KAZN: variants seen among roughly 807,000 people sequenced by gnomAD.
The protein encoded by KAZN is kazrin, periplakin interacting protein, also known as kazrin.
KAZN carries 40 observed loss-of-function variants against 87.4 expected under a neutral mutation model. The ratio of observed to expected loss-of-function variants is 0.46; its 90% CI spans 0.36 to 0.60. The LOEUF (loss-of-function observed/expected upper bound fraction) is 0.60. KAZN is among the 20% of genes least tolerant of loss of function. The probability of loss-of-function intolerance (pLI) is 0.00; values close to 1 mark genes in which losing one functional copy is unlikely to be tolerated. For synonymous variants in KAZN, 466 were observed against 458.3 expected (o/e 1.02, Z -0.22); for missense variants, 898 against 1,073.9 (o/e 0.84, Z 2.29).
intron 2 of KAZN, among the ~76,000 whole-genome samples, chr1:14,494,572 C>T (rs1362330009): frequency 1.3e-5 from 2 of 152,166 alleles, no homozygotes; most frequent in Non-Finnish European, 2.9e-5. Context: ...TTGATGTACA[C>T]AGCCTCTGGT....
intron 2 of KAZN, among the ~76,000 whole-genome samples, chr1:14,271,938 C>T (rs1419105463): frequency 6.6e-6 from 1 of 152,194 alleles, no homozygotes; most frequent in Admixed American, 6.5e-5. Flanking sequence ...AATATGTCTA[C>T]AACATAGAAT....
At chr1:15,111,574 G>T (rs112802970) in intron 13 of KAZN, among the ~76,000 whole-genome samples, 2 of 152,174 alleles carry the variant, frequency 1.3e-5, no homozygotes, top group South Asian at 4.1e-4. Flanking sequence ...CACCATGCCC[G>T]GCCTAGAAGT....
intron 1 of KAZN, among the ~76,000 whole-genome samples, chr1:14,100,584 G>A (rs1644227946): frequency 6.6e-6 from 1 of 152,188 alleles, no homozygotes; most frequent in African/African-American, 2.4e-5. Flanking sequence ...CAATATGTGG[G>A]AAGTGCTGTC....
chr1:14,429,080 GT>G (rs933609540), intron 2 of KAZN, among the ~76,000 whole-genome samples: 1 of 152,092 alleles, frequency 6.6e-6, no homozygotes, highest in African/African-American at 2.4e-5. Flanking sequence ...TCATAAGGGA[GT>G]TTTTCTCTCC....
chr1:13,917,586 A>G (rs1035636896), intron 1 of KAZN, among the ~76,000 whole-genome samples: 2 of 152,144 alleles, frequency 1.3e-5, no homozygotes, highest in African/African-American at 4.8e-5. Flanking sequence ...ACTTGAGCCC[A>G]GGAGTTCAAG....
At chr1:13,918,052 A>G (rs972591368) in intron 1 of KAZN, among the ~76,000 whole-genome samples, 1 of 152,220 alleles carries the variant, frequency 6.6e-6, no homozygotes, top group Non-Finnish European at 1.5e-5. Context: ...CATGCCTGCT[A>G]ACACAACATT....
chr1:14,252,812 C>T (rs894178102), intron 2 of KAZN, among the ~76,000 whole-genome samples: 2 of 152,204 alleles, frequency 1.3e-5, no homozygotes, highest in Admixed American at 6.5e-5. Flanking sequence ...ATTCTGCACT[C>T]ATCTTACAAT....
At chr1:15,059,869 A>C (rs1042072747) in intron 5 of KAZN, among the ~76,000 whole-genome samples, 1 of 152,010 alleles carries the variant, frequency 6.6e-6, no homozygotes, top group Non-Finnish European at 1.5e-5. Flanking sequence ...TTGGACTTGG[A>C]AACGAGGAGA....
At chr1:14,849,398 G>A (rs536109296) in intron 1 of KAZN, among the ~76,000 whole-genome samples, 1 of 152,272 alleles carries the variant, frequency 6.6e-6, no homozygotes, top group Non-Finnish European at 1.5e-5. Flanking sequence ...ATTTTTGAGT[G>A]TTTACTACGT....
intron 1 of KAZN, among the ~76,000 whole-genome samples, chr1:14,166,666 C>T (rs1447484754): frequency 6.6e-6 from 1 of 152,044 alleles, no homozygotes; most frequent in Non-Finnish European, 1.5e-5. Context: ...AAATTTTGTA[C>T]TATATATTTT....
intron 2 of KAZN, among the ~76,000 whole-genome samples, chr1:14,195,156 A>G (rs1646501032): frequency 6.6e-6 from 1 of 152,198 alleles, no homozygotes; most frequent in Admixed American, 6.5e-5. Context: ...CTATAAGCAC[A>G]TCTGAAATTT....
At chr1:14,527,549 CA>C (rs34649606) in intron 2 of KAZN, among the ~76,000 whole-genome samples, 25,575 of 108,702 alleles carry the variant, frequency 0.24, 2,239 homozygotes, top group Admixed American at 0.39. Context: ...ACTCTGTCTC[CA>C]AAAAAAAAAA....
intron 1 of KAZN, among the ~76,000 whole-genome samples, chr1:14,834,355 CCTT>C (rs1647151004): frequency 8.1e-6 from 1 of 123,300 alleles, no homozygotes; most frequent in South Asian, 2.6e-4. Flanking sequence ...CAAGTCACTT[CCTT>C]TTTTTTTTTT....
chr1:14,024,767 G>A (rs911602062), intron 1 of KAZN, among the ~76,000 whole-genome samples: 7 of 152,080 alleles, frequency 4.6e-5, no homozygotes, highest in African/African-American at 7.3e-5. Flanking sequence ...GCTATTCAAA[G>A]TTGAGGATCT....
chr1:13,988,169 C>T (rs1639108797), intron 1 of KAZN, among the ~76,000 whole-genome samples: 1 of 151,980 alleles, frequency 6.6e-6, no homozygotes, highest in Admixed American at 6.6e-5. Context: ...CAGAAGGAGA[C>T]AAATATTGAA....
chr1:14,419,781 A>T (rs1374973058), intron 2 of KAZN, among the ~76,000 whole-genome samples: 1 of 150,542 alleles, frequency 6.6e-6, no homozygotes, highest in African/African-American at 2.4e-5. Context: ...TGTCCCTCCC[A>T]TCCGGAGTTG....
chr1:14,887,174 T>TTAAC (rs1402792443), intron 1 of KAZN, among the ~76,000 whole-genome samples: 2 of 152,360 alleles, frequency 1.3e-5, no homozygotes, highest in East Asian at 3.9e-4. Context: ...CTGCTTCCCC[T>TTAAC]TAACTGCCAA....
chr1:14,034,287 G>T (rs868867457), intron 1 of KAZN, among the ~76,000 whole-genome samples: 145 of 146,806 alleles, frequency 9.9e-4, no homozygotes, highest in African/African-American at 3.7e-3. Context: ...CCTTTTAGCT[G>T]TTTTTTTTTT....
intron 2 of KAZN, among the ~76,000 whole-genome samples, chr1:14,257,837 A>G (rs1650643260): frequency 6.8e-6 from 1 of 146,550 alleles, no homozygotes; most frequent in Non-Finnish European, 1.5e-5. Context: ...AGATATACCT[A>G]ATGCTAGATG....
Sources: gnomAD v4.1 joint callset for allele counts (sites outside exome capture counted in the v4.1 genomes callset) on GRCh38, gnomAD v4.1.1 for gene constraint, MANE v1.5 for transcripts, NCBI Gene and HGNC (gene_info 2026-07-23, HGNC 2026-07-21) for gene names.